The following SLC8A1 variants were observed in gnomAD, a reference collection of about 807,000 sequenced individuals.
The protein encoded by SLC8A1 is solute carrier family 8 member A1, also known as sodium/calcium exchanger 1.
Under a neutral mutation model 68.3 loss-of-function variants are expected in SLC8A1, and 18 were observed. The ratio of observed to expected loss-of-function variants is 0.26; its 90% CI spans 0.18 to 0.39. The LOEUF (loss-of-function observed/expected upper bound fraction) is 0.39, where lower values mean the gene tolerates loss of function less well. Among genes scored for constraint, SLC8A1 ranks in the 10% least tolerant of loss-of-function variants. The pLI is 1.00. For missense variants in SLC8A1, 985 were observed against 1,156.7 expected, an observed-to-expected ratio of 0.85 and a Z score of 2.15; for synonymous variants, 475 against 415.5, an observed-to-expected ratio of 1.14 and a Z score of -1.74.
intron 2 of SLC8A1, among the ~76,000 whole-genome samples, chr2:40,396,168 G>A (rs1490274032): frequency 6.6e-6 from 1 of 152,082 alleles, no homozygotes; most frequent in Non-Finnish European, 1.5e-5. Flanking sequence ...TAAAGCAGTT[G>A]GTCTCTAAGA....
chr2:40,428,287 G>A (rs923672502), intron 2 of SLC8A1, among the ~76,000 whole-genome samples, 186 bp downstream of exon 2: 1 of 152,062 alleles, frequency 6.6e-6, no homozygotes, highest in Admixed American at 6.6e-5. Context: ...ATCTCTGTGT[G>A]CAGAGCATAT....
At chr2:40,163,611 C>T (rs2046049885) in intron 5 of SLC8A1, among the ~76,000 whole-genome samples, 1 of 152,126 alleles carries the variant, frequency 6.6e-6, no homozygotes, top group African/African-American at 2.4e-5. Flanking sequence ...TGCAACAAGC[C>T]AAGTTCTGTG....
At chr2:40,459,636 T>TTA (rs1703226569) in intron 1 of SLC8A1, among the ~76,000 whole-genome samples, 1 of 152,180 alleles carries the variant, frequency 6.6e-6, no homozygotes, top group African/African-American at 2.4e-5. Context: ...CCTCTTTGGT[T>TTA]TATATTATAG....
Position 40,489,459 on chromosome 2 carries a change from C to T in SLC8A1, c.-25+22890G>A, listed in dbSNP as rs575735037. 3.3e-4 allele frequency among the ~76,000 whole-genome samples: 50 copies of T among 152,228 alleles called. No homozygotes were observed. The Middle Eastern group carries it at 0.01, about 31-fold the overall frequency. On this transcript the variant is annotated intron_variant, in intron 1 of 7. Coordinates refer to the SLC8A1 transcript ENST00000402441. ...AGAAAGGAACTTTTCTTCCCATGGT[C>T]ACGGTCTGTGCCTTTTCACCCACCG...
intron 2 of SLC8A1, among the ~76,000 whole-genome samples, chr2:40,249,889 T>C (rs980798879): frequency 3.9e-5 from 6 of 151,930 alleles, no homozygotes; most frequent in African/African-American, 1.5e-4. Flanking sequence ...CAGATTTTAA[T>C]TGAAAAAAAT....
At chr2:40,491,993 C>T (rs1165137473) in intron 1 of SLC8A1, among the ~76,000 whole-genome samples, 1 of 152,126 alleles carries the variant, frequency 6.6e-6, no homozygotes, top group Non-Finnish European at 1.5e-5. Context: ...GAAAAAACTA[C>T]TTTAAAGTTC....
intron 2 of SLC8A1, among the ~76,000 whole-genome samples, chr2:40,392,795 G>C (rs1559502109): frequency 6.6e-6 from 1 of 152,100 alleles, no homozygotes; most frequent in Admixed American, 6.6e-5. Context: ...GATTTGTGGA[G>C]CAAAGGAGGG....
intron 2 of SLC8A1, among the ~76,000 whole-genome samples, chr2:40,197,481 C>T (rs2053270011): frequency 6.6e-6 from 1 of 151,932 alleles, no homozygotes; most frequent in Non-Finnish European, 1.5e-5. Flanking sequence ...TACACACTGA[C>T]TTGTATGAAT....
intron 2 of SLC8A1, among the ~76,000 whole-genome samples, chr2:40,229,261 T>G (rs748679898): frequency 7.8e-4 from 118 of 152,026 alleles, no homozygotes; most frequent in Non-Finnish European, 5.9e-4. Context: ...CCTACTAAGT[T>G]GCAAGAATAC....
At chr2:40,313,814 A>C (rs1450541076) in intron 2 of SLC8A1, among the ~76,000 whole-genome samples, 1 of 152,012 alleles carries the variant, frequency 6.6e-6, no homozygotes, top group East Asian at 1.9e-4. Context: ...CCATGTGCTT[A>C]TTTGTTAACA....
At position 40,334,642 on chromosome 2, in the gene SLC8A1, A is replaced by C. The variant is rs78392979; in HGVS notation, c.1808+93831T>G. On this transcript the variant is annotated intron_variant, in intron 2 of 7. Transcript: ENST00000406785. ...GAATCATGCCCTTAAAATGTCCTGA[A>C]AACATTTTTTTCAGCCATAAATATG... Among the ~76,000 whole-genome samples, 50 of 152,288 alleles carry C rather than the reference A, an allele frequency of 3.3e-4. 1 individual carries two copies. The East Asian group carries it at 7.5e-3, about 23-fold the overall frequency.
chr2:40,480,680 A>G (rs931895625), intron 1 of SLC8A1, among the ~76,000 whole-genome samples: 2 of 152,200 alleles, frequency 1.3e-5, no homozygotes, highest in Non-Finnish European at 2.9e-5. Context: ...TGGAGTGGAA[A>G]GGACTCAAGG....
exon 8 of SLC8A1, chr2:40,106,787 A>G (rs1191889047): frequency 6.6e-6 from 1 of 152,242 alleles, no homozygotes; most frequent in Non-Finnish European, 1.5e-5. Flanking sequence ...TGAAATAGAA[A>G]TAAAACAAAG....
intron 2 of SLC8A1, among the ~76,000 whole-genome samples, chr2:40,371,066 A>T (rs910006861): frequency 2.6e-5 from 4 of 152,070 alleles, no homozygotes; most frequent in Admixed American, 2.6e-4. Context: ...CTACATGGGG[A>T]CAAAAACTAG....
intron 2 of SLC8A1, among the ~76,000 whole-genome samples, chr2:40,206,845 G>T (rs1000981879): frequency 1.3e-5 from 2 of 151,932 alleles, no homozygotes; most frequent in Non-Finnish European, 2.9e-5. Flanking sequence ...GGCGAAAATG[G>T]TTTTCATTTT....
chr2:40,142,512 AT>A (rs1210517277), intron 6 of SLC8A1, among the ~76,000 whole-genome samples: 1 of 152,190 alleles, frequency 6.6e-6, no homozygotes, highest in East Asian at 1.9e-4. Flanking sequence ...AAGCATTTTA[AT>A]CAATCATTCA....
chr2:40,158,820 A>C (rs982019991), intron 6 of SLC8A1, among the ~76,000 whole-genome samples: 2 of 152,124 alleles, frequency 1.3e-5, no homozygotes, highest in Admixed American at 1.3e-4. Flanking sequence ...TATAATATTA[A>C]ACACAACATA....
At chr2:40,110,720 A>G (rs1172019654) in exon 8 of SLC8A1, 4 of 152,152 alleles carry the variant, frequency 2.6e-5, no homozygotes, top group African/African-American at 7.2e-5. Context: ...TCTGCATGCA[A>G]CTGCCCAAAA....
chr2:40,164,524 T>G (rs2046223753), intron 5 of SLC8A1, among the ~76,000 whole-genome samples: 2 of 152,190 alleles, frequency 1.3e-5, no homozygotes, highest in African/African-American at 4.8e-5. Flanking sequence ...CTTGGTTTCT[T>G]CCACACATAA....
Sources: gnomAD v4.1 joint callset for allele counts (sites outside exome capture counted in the v4.1 genomes callset) on GRCh38, gnomAD v4.1.1 for gene constraint, MANE v1.5 for transcripts, NCBI Gene and HGNC (gene_info 2026-07-23, HGNC 2026-07-21) for gene names.